The following SVOP variants were observed in gnomAD, a reference collection of about 807,000 sequenced individuals.
SVOP encodes the protein synaptic vesicle 2-related protein.
In SVOP, 17 loss-of-function variants were observed where a neutral mutation model predicts 69.1. That is an observed-to-expected ratio of 0.25 (90% confidence interval 0.17 to 0.37). SVOP has a LOEUF of 0.37. Among genes scored for constraint, SVOP ranks in the 10% least tolerant of loss-of-function variants. The probability of loss-of-function intolerance (pLI) is 1.00; values close to 1 mark genes in which losing one functional copy is unlikely to be tolerated. For missense variants in SVOP, 435 were observed against 597.5 expected, an observed-to-expected ratio of 0.73 and a Z score of 2.84; for synonymous variants, 238 against 238.6, an observed-to-expected ratio of 1.00 and a Z score of 0.02.
rs2039860269 is a variant in SVOP, at chr12:108,936,976, T to G, written c.971+288A>C. ...TTTGGGGAGGCTGAGGAGGGAGGATTGCTTGAGTTCAGGAGTTCAAGGCTG... is the reference window on the plus strand; with the variant it reads ...TTTGGGGAGGCTGAGGAGGGAGGATGGCTTGAGTTCAGGAGTTCAAGGCTG... On this transcript the variant is annotated intron_variant, in intron 10 of 15. Transcript: ENST00000610966. The G allele has an allele frequency of 8.0e-6, 3 of 376,702 alleles. No homozygotes were observed. The East Asian group carries it at 1.6e-4, about 20-fold the overall frequency. The allele number at this position is 376,702 out of a possible 1,614,324, so 23.3% of individuals were successfully genotyped here.
intron 1 of SVOP, among the ~76,000 whole-genome samples, chr12:109,003,710 C>T (rs1207171971): frequency 4.6e-5 from 7 of 152,178 alleles, no homozygotes; most frequent in African/African-American, 1.7e-4. Flanking sequence ...TGGGCTCAAG[C>T]GATCCTCCTG....
chr12:108,918,162 C>T, intron 13 of SVOP, 38 bp from the exon 14 acceptor site: 3 of 1,512,974 alleles, frequency 2.0e-6, no homozygotes, highest in South Asian at 1.3e-5. Context: ...GCATTTTTTT[C>T]TGTCTGCTTG....
intron 1 of SVOP, among the ~76,000 whole-genome samples, chr12:109,001,718 C>T (rs2040271158): frequency 6.8e-6 from 1 of 147,642 alleles, no homozygotes; most frequent in Non-Finnish European, 1.5e-5. Context: ...AAAGGATTCC[C>T]TATTTAATAA....
rs564713573 is a variant in SVOP at position 108,945,184 on chromosome 12, A to C, written c.579-18T>G. The C allele has an allele frequency of 9.6e-4, 1,476 of 1,536,858 alleles. No individual in the cohort carries two copies. Among genetic ancestry groups the C allele is most frequent in the Non-Finnish European group, 1.2e-3 (1,401 of 1,146,622 alleles). On this transcript the variant is annotated intron_variant, in intron 6 of 15. Coordinates refer to ENST00000610966, the MANE Select transcript of SVOP (RefSeq NM_018711.5). ...GCGTCACCCTGGGAATGTAAAAGGG[A>C]AAGAAAGGGAGTTAAGATCAGAACT...
intron 11 of SVOP, chr12:108,926,306 T>C (rs2039779828): frequency 6.6e-6 from 1 of 152,198 alleles, no homozygotes; most frequent in African/African-American, 2.4e-5. Flanking sequence ...TCTGTTCTTG[T>C]GCTAATTTGC....
intron 1 of SVOP, among the ~76,000 whole-genome samples, chr12:109,018,664 C>CT (rs886080204): frequency 9.9e-5 from 15 of 152,078 alleles, no homozygotes; most frequent in African/African-American, 2.2e-4. Flanking sequence ...TTAGCTTACT[C>CT]TTTTTTTAGA....
chr12:108,987,801 T>G (rs571536981), intron 1 of SVOP, among the ~76,000 whole-genome samples: 5 of 152,350 alleles, frequency 3.3e-5, no homozygotes, highest in Admixed American at 3.3e-4. Context: ...GTTGTTGACT[T>G]GTACTTCTTT....
chr12:108,949,707 T>G (rs976983632), intron 6 of SVOP, among the ~76,000 whole-genome samples: 3 of 152,034 alleles, frequency 2.0e-5, no homozygotes, highest in Admixed American at 1.3e-4. Flanking sequence ...CCTTCTTTTT[T>G]TTTTTCTTAA....
chr12:108,953,070 G>A (rs2039965457), intron 6 of SVOP, among the ~76,000 whole-genome samples: 1 of 150,982 alleles, frequency 6.6e-6, no homozygotes. Context: ...GAAGGGAGGA[G>A]AGAAGGAGGG....
In SVOP at chr12:108,915,674, T is replaced by C. The variant is rs904610207; in HGVS notation, c.1440+109A>G. On this transcript the variant is annotated intron_variant, in intron 15 of 15. Transcript: ENST00000610966. ...CCTCGGGTGTGTTGTTATGATAAAA[T>C]GAGCGAATGCAACCCGAGGGCTCTG... is the stretch of plus-strand genomic sequence containing the variant. 3.1e-5 allele frequency: 35 copies of C among 1,135,032 alleles called. No homozygotes were observed. In the East Asian group the frequency reaches 8.5e-4, roughly 28 times the overall value. 70.3% of individuals were successfully genotyped at this position (1,135,032 alleles called of 1,614,324 possible).
At chr12:108,978,712 G>T in intron 2 of SVOP, 49 bp from the exon 3 acceptor site, 1 of 700,650 alleles carries the variant, frequency 1.4e-6, no homozygotes, top group Non-Finnish European at 2.6e-6. Flanking sequence ...GCACCTTGCA[G>T]TTGTCCTAGT....
chr12:108,987,094 A>C (rs1439848423), intron 1 of SVOP, among the ~76,000 whole-genome samples: 3 of 152,198 alleles, frequency 2.0e-5, no homozygotes, highest in African/African-American at 7.2e-5. Flanking sequence ...CATAGAAATC[A>C]ATGCTCCATT....
At chr12:108,934,856 C>T (rs1312564668) in intron 10 of SVOP, among the ~76,000 whole-genome samples, 1 of 152,244 alleles carries the variant, frequency 6.6e-6, no homozygotes, top group Non-Finnish European at 1.5e-5. Context: ...TAGCACATCA[C>T]CAAGAAATAA....
chr12:108,974,142 G>A (rs1014638492), intron 4 of SVOP, among the ~76,000 whole-genome samples: 2 of 152,010 alleles, frequency 1.3e-5, no homozygotes, highest in African/African-American at 4.8e-5. Context: ...TTTTTTATGT[G>A]AACAAAGCTT....
intron 4 of SVOP, 90 bp from the exon 5 acceptor site, chr12:108,972,566 C>T: frequency 1.5e-6 from 2 of 1,291,760 alleles, no homozygotes; most frequent in South Asian, 2.5e-5. Context: ...ACGTCACCCT[C>T]TAGGTAACAG....
intron 6 of SVOP, among the ~76,000 whole-genome samples, chr12:108,953,143 TTTTTTTTTTC>T (rs1189370784): frequency 1.2e-4 from 16 of 129,066 alleles, no homozygotes; most frequent in Admixed American, 4.0e-4. Flanking sequence ...TGACTTTTTT[TTTTTTTTTTC>T]TTTTTTTTTT....
In SVOP at chr12:108,989,015, G is replaced by A. The variant is rs543136753; in HGVS notation, c.36-5254C>T. ...CTCGAACTCCTGACCTCAAGTGATC[G>A]GCCTGCCTTAGCCTCCCAAAGTGCT... On this transcript the variant is annotated intron_variant, in intron 1 of 15. Transcript: ENST00000610966. 4.0e-5 allele frequency among the ~76,000 whole-genome samples: 6 copies of A among 151,856 alleles called. 1 individual carries two copies. The South Asian group carries it at 8.3e-4, about 21-fold the overall frequency.
At chr12:108,999,127 C>G (rs2040253556) in intron 1 of SVOP, among the ~76,000 whole-genome samples, 1 of 122,458 alleles carries the variant, frequency 8.2e-6, no homozygotes, top group South Asian at 3.4e-4. Flanking sequence ...ATCTACCAAG[C>G]AAATGGAAAA....
intron 9 of SVOP, among the ~76,000 whole-genome samples, chr12:108,938,099 C>T (rs745936441): frequency 6.6e-6 from 1 of 152,268 alleles, no homozygotes; most frequent in Non-Finnish European, 1.5e-5. Flanking sequence ...TCAGACCAAA[C>T]ACCTCCTTCC....
Sources: allele counts gnomAD v4.1 joint callset (sites outside exome capture counted in the v4.1 genomes callset), GRCh38; gene constraint gnomAD v4.1.1; transcripts MANE v1.5; gene names NCBI Gene and HGNC (gene_info 2026-07-23, HGNC 2026-07-21).